The following GALNT13 variants were observed in gnomAD, a reference collection of about 807,000 sequenced individuals.
GALNT13 encodes UDP-GalNAc:polypeptide N-acetylgalactosaminyltransferase 13.
GALNT13 carries 28 observed loss-of-function variants against 64.2 expected under a neutral mutation model. The ratio of observed to expected loss-of-function variants is 0.44; its 90% confidence interval spans 0.32 to 0.60. The LOEUF is 0.60. GALNT13 is among the 20% of genes least tolerant of loss of function. GALNT13 has a pLI of 0.05. For synonymous variants in GALNT13, 214 were observed against 224.6 expected, an observed-to-expected ratio of 0.95 and a Z score of 0.42; for missense variants, 577 against 669.8, an observed-to-expected ratio of 0.86 and a Z score of 1.53.
At chr2:153,149,626 A>AT in the GALNT13 span, among the ~76,000 whole-genome samples, 9 of 151,690 alleles carry the variant, frequency 5.9e-5, no homozygotes, top group African/African-American at 1.7e-4. Flanking sequence ...TTCAACACTC[A>AT]TTTTTTTGCA....
At chr2:153,704,476 T>C in the GALNT13 span, among the ~76,000 whole-genome samples, 137 of 152,326 alleles carry the variant, frequency 9.0e-4, no homozygotes, top group Non-Finnish European at 1.4e-3. Context: ...AATTTTCTCA[T>C]TGAAAATATA....
the GALNT13 span, among the ~76,000 whole-genome samples, chr2:153,716,666 C>A: frequency 6.6e-6 from 1 of 152,034 alleles, no homozygotes; most frequent in South Asian, 2.1e-4. Context: ...TTCCAATGAC[C>A]ACCAAAGACC....
At chr2:153,721,857 C>T in the GALNT13 span, among the ~76,000 whole-genome samples, 21 of 151,480 alleles carry the variant, frequency 1.4e-4, no homozygotes, top group East Asian at 3.9e-3. Context: ...CAATAATAAT[C>T]GGAGACTTTA....
At chr2:153,269,170 G>A in the GALNT13 span, among the ~76,000 whole-genome samples, 1 of 149,530 alleles carries the variant, frequency 6.7e-6, no homozygotes, top group Non-Finnish European at 1.5e-5. Context: ...AACTTTTTAT[G>A]TTCTACTTTT....
chr2:153,343,977 TTA>T, the GALNT13 span, among the ~76,000 whole-genome samples: 2 of 152,148 alleles, frequency 1.3e-5, no homozygotes, highest in African/African-American at 4.8e-5. Flanking sequence ...AAGTATTATC[TTA>T]TGTCATTATA....
At chr2:153,120,549 G>A in the GALNT13 span, among the ~76,000 whole-genome samples, 1 of 152,156 alleles carries the variant, frequency 6.6e-6, no homozygotes, top group African/African-American at 2.4e-5. Context: ...ATTCCTAATG[G>A]AAATAAGCAT....
the GALNT13 span, among the ~76,000 whole-genome samples, chr2:153,342,430 T>A: frequency 6.6e-6 from 1 of 152,160 alleles, no homozygotes; most frequent in Non-Finnish European, 1.5e-5. Flanking sequence ...TTTTAAAGAG[T>A]TTCCTAATGA....
rs1254903778 is a variant in GALNT13 at position 154,295,457 on chromosome 2, G to A, written c.976-5952G>A. Among the ~76,000 whole-genome samples the A allele has an allele frequency of 2.6e-5, 4 of 151,700 alleles. No homozygotes were observed. The South Asian group carries it at 8.3e-4, about 32-fold the overall frequency. ...TGGCTCAATGCAACCTCTGCCTCCCGGGTTCAAGTGATTCTCCTCCCTCAG... is the reference window on the plus strand; with the variant it reads ...TGGCTCAATGCAACCTCTGCCTCCCAGGTTCAAGTGATTCTCCTCCCTCAG... On this transcript the variant is annotated intron_variant, in intron 8 of 12. Transcript: ENST00000392825.
At chr2:154,122,776 T>C (rs1682026723) in intron 3 of GALNT13, among the ~76,000 whole-genome samples, 1 of 152,082 alleles carries the variant, frequency 6.6e-6, no homozygotes, top group Non-Finnish European at 1.5e-5. Flanking sequence ...ATTGTCCTTT[T>C]GATGTTTATA....
At chr2:153,503,272 G>A in the GALNT13 span, among the ~76,000 whole-genome samples, 1 of 152,064 alleles carries the variant, frequency 6.6e-6, no homozygotes, top group South Asian at 2.1e-4. Context: ...AAGACGATGA[G>A]GATCCAGTTT....
chr2:154,177,565 G>A (rs993518953), intron 4 of GALNT13, among the ~76,000 whole-genome samples: 1 of 151,924 alleles, frequency 6.6e-6, no homozygotes, highest in African/African-American at 2.4e-5. Flanking sequence ...TGTAAACTAT[G>A]GACTTTATAA....
chr2:154,176,444 G>A (rs1559006389), intron 4 of GALNT13, among the ~76,000 whole-genome samples: 1 of 151,564 alleles, frequency 6.6e-6, no homozygotes, highest in Non-Finnish European at 1.5e-5. Flanking sequence ...AGTAGAGACG[G>A]GGTTTCACCG....
At chr2:154,079,215 T>C (rs1408484614) in intron 3 of GALNT13, among the ~76,000 whole-genome samples, 1 of 151,702 alleles carries the variant, frequency 6.6e-6, no homozygotes, top group African/African-American at 2.4e-5. Flanking sequence ...AACAAGAATG[T>C]TTATTGATGA....
At chr2:153,638,970 C>T in the GALNT13 span, among the ~76,000 whole-genome samples, 1 of 152,078 alleles carries the variant, frequency 6.6e-6, no homozygotes. Context: ...AAATGTCAAC[C>T]AGCGAACACG....
At chr2:153,754,802 G>T in the GALNT13 span, among the ~76,000 whole-genome samples, 1 of 152,082 alleles carries the variant, frequency 6.6e-6, no homozygotes, top group African/African-American at 2.4e-5. Context: ...AAGTTTATCA[G>T]AGCCCCGGAG....
In GALNT13 at chr2:154,242,165, G is replaced by A. The variant is rs267598928; in HGVS notation, c.447G>A (p.Glu149=). 6.2e-7 allele frequency: 1 copy of A among 1,611,218 alleles called. No individual in the cohort carries two copies. The highest frequency in any genetic ancestry group is 2.2e-5 in the East Asian group (1 of 44,754). Residue 149 remains glutamate, a synonymous_variant, in exon 5 of 13, where the codon GAG becomes GAA. Transcript: ENST00000392825. Reference sequence around the variant, plus strand: ...GTTCCCCACACTATCTACTCTCAGAGGTCATCTTGGTAGATGATGCCAGTG... The same window carrying A: ...GTTCCCCACACTATCTACTCTCAGAAGTCATCTTGGTAGATGATGCCAGTG... ...INRSPHYLLS[E]VILVDDASER... is the part of the protein sequence containing the mutation.
At chr2:153,150,482 A>G in the GALNT13 span, among the ~76,000 whole-genome samples, 1 of 151,936 alleles carries the variant, frequency 6.6e-6, no homozygotes, top group African/African-American at 2.4e-5. Context: ...GTTTAATTAG[A>G]TCCCATTTGT....
chr2:154,390,424 A>G (rs1017638571), intron 9 of GALNT13, among the ~76,000 whole-genome samples: 7 of 152,048 alleles, frequency 4.6e-5, no homozygotes, highest in African/African-American at 1.4e-4. Context: ...GTTCCCCTCT[A>G]TGTGTCCACA....
chr2:153,726,061 C>T, the GALNT13 span, among the ~76,000 whole-genome samples: 1 of 151,958 alleles, frequency 6.6e-6, no homozygotes, highest in Admixed American at 6.6e-5. Context: ...CCAACATAAT[C>T]TTAAAGTAGA....
Sources: gnomAD v4.1 joint callset for allele counts (sites outside exome capture counted in the v4.1 genomes callset) on GRCh38, gnomAD v4.1.1 for gene constraint, MANE v1.5 for transcripts, NCBI Gene and HGNC (gene_info 2026-07-23, HGNC 2026-07-21) for gene names.